FAM114A1: variants seen among roughly 807,000 people sequenced by gnomAD.
The protein encoded by FAM114A1 is family with sequence similarity 114 member A1.
Under a neutral mutation model 64.3 loss-of-function variants are expected in FAM114A1, and 62 were observed. The observed-to-expected ratio is 0.96, with a 90% CI of 0.79 to 1.19. FAM114A1 has a LOEUF of 1.19. FAM114A1 is among the 50% of genes most tolerant of loss of function. The pLI is 0.00. For missense variants in FAM114A1, 645 were observed against 676.3 expected (o/e 0.95, Z 0.51); for synonymous variants, 254 against 251.1 (o/e 1.01, Z -0.11).
In FAM114A1 at chr4:38,905,833, C is replaced by T; in HGVS notation, c.629C>T (p.Ser210Phe). 3 of 1,614,042 alleles carry T rather than the reference C, an allele frequency of 1.9e-6. No individual in the cohort carries two copies. ...TCATCAGCCTCTCGGGGTATGCTGTCTGCCATCACCAATGTGGTTCAAAAC... is the reference window on the plus strand; with the variant it reads ...TCATCAGCCTCTCGGGGTATGCTGTTTGCCATCACCAATGTGGTTCAAAAC... ...SPSSASRGML[S>F]AITNVVQNTG... The change falls in exon 6 of 15, where the codon TCT (serine) becomes TTT (phenylalanine). Residue 210 changes from serine to phenylalanine, a missense_variant. Physicochemically the swap from Ser to Phe is radical, Grantham distance 155 (BLOSUM62 -2). Transcript: ENST00000358869.
chr4:38,870,270 C>T (rs1158490017), intron 2 of FAM114A1, among the ~76,000 whole-genome samples: 1 of 152,216 alleles, frequency 6.6e-6, no homozygotes, highest in Non-Finnish European at 1.5e-5. Flanking sequence ...TGCACATGCT[C>T]TCATCCCACC....
intron 2 of FAM114A1, among the ~76,000 whole-genome samples, chr4:38,870,759 G>A (rs927322516): frequency 2.0e-5 from 3 of 152,126 alleles, no homozygotes; most frequent in Non-Finnish European, 4.4e-5. Flanking sequence ...GATGGAAACC[G>A]TCCCAGGAAA....
intron 7 of FAM114A1, among the ~76,000 whole-genome samples, chr4:38,909,662 AC>A (rs1276220052): frequency 1.3e-5 from 2 of 152,208 alleles, no homozygotes; most frequent in Non-Finnish European, 2.9e-5. Flanking sequence ...AGAGACTGAT[AC>A]ACCAGGTCTC....
At chr4:38,876,050 A>G (rs1388210581) in intron 2 of FAM114A1, among the ~76,000 whole-genome samples, 1 of 152,156 alleles carries the variant, frequency 6.6e-6, no homozygotes, top group Admixed American at 6.5e-5. Flanking sequence ...CCAACAAGGA[A>G]TACTGTGTGT....
chr4:38,926,809 C>CA (rs1720150778), intron 9 of FAM114A1, among the ~76,000 whole-genome samples: 1 of 152,194 alleles, frequency 6.6e-6, no homozygotes, highest in Non-Finnish European at 1.5e-5. Flanking sequence ...TCTAGCCCTC[C>CA]AGCTCTCCCT....
intron 6 of FAM114A1, among the ~76,000 whole-genome samples, chr4:38,906,658 C>G (rs2109680713): frequency 6.6e-6 from 1 of 152,278 alleles, no homozygotes; most frequent in South Asian, 2.1e-4. Flanking sequence ...CCTCAGCCTC[C>G]CAAGTAGCTG....
rs75825496 is a variant in FAM114A1 at position 38,942,729 on chromosome 4, A to G, written c.1591-727A>G. Among the ~76,000 whole-genome samples the G allele has an allele frequency of 6.6e-3, 1,007 of 152,292 alleles. 3 individuals are homozygous for G. The highest frequency in any genetic ancestry group is 0.02 in the African/African-American group (839 of 41,548). On this transcript the variant is annotated intron_variant, in intron 14 of 14. Transcript: ENST00000358869. ...CAAGTTTGCCATGAATAACTGCCCA[A>G]TAGTATCTCCAGTTAGCTTTATGTT...
At chr4:38,871,089 T>C (rs1289182311) in intron 2 of FAM114A1, among the ~76,000 whole-genome samples, 4 of 29,738 alleles carry the variant, frequency 1.3e-4, no homozygotes, top group African/African-American at 1.0e-3. Flanking sequence ...TTTCTTTCTT[T>C]TTTTTTTTTT....
chr4:38,943,357 G>T (rs77699077), intron 14 of FAM114A1, 99 bp from the exon 15 acceptor site: 5 of 812,426 alleles, frequency 6.2e-6, no homozygotes, highest in Non-Finnish European at 9.8e-6. Flanking sequence ...AATCCAATAT[G>T]GGGGGTGGGT....
Position 38,905,755 on chromosome 4 carries a change from T to C in FAM114A1, c.551T>C (p.Ile184Thr). The part of the protein sequence containing the change: ...QPNTENGVPE[I>T]TDAATDQGPA... ...TAAAGGATTTCTTTTTTCTCTTTAG[T>C]AACAGATGCAGCCACAGATCAGGGC... Residue 184 changes from isoleucine (I) to threonine (T), a missense_variant and splice_region_variant, in exon 6 of 15, where the codon ATA becomes ACA. Ile to Thr is a moderately conservative substitution (Grantham distance 89). Transcript: ENST00000358869. The C allele has an allele frequency of 1.9e-6, 3 of 1,612,036 alleles. No homozygotes were observed. Among genetic ancestry groups the C allele is most frequent in the Non-Finnish European group, 2.5e-6 (3 of 1,179,496 alleles).
intron 4 of FAM114A1, among the ~76,000 whole-genome samples, chr4:38,897,326 A>G (rs1344165824): frequency 6.6e-6 from 1 of 152,268 alleles, no homozygotes; most frequent in Admixed American, 6.5e-5. Context: ...GTCTATGCAT[A>G]GAAGGAGAAA....
chr4:38,878,226 G>A lies in FAM114A1; in HGVS notation c.148G>A (p.Gly50Arg). 3 of 1,614,238 alleles carry A rather than the reference G, an allele frequency of 1.9e-6. No individual in the cohort carries two copies. The highest frequency in any genetic ancestry group is 2.5e-6 in the Non-Finnish European group (3 of 1,180,052). ...SHEPTPADPRGEGHENAAVQG... is the reference protein window; with the variant it reads ...SHEPTPADPRREGHENAAVQG... ...TGAGCCAACACCAGCTGACCCCAGA[G>A]GGGAGGGGCATGAAAATGCAGCTGT... The change falls in exon 3 of 15, where the codon GGG becomes AGG. Residue 50 changes from glycine (G) to arginine (R), a missense_variant. By Grantham distance (125) the Gly-to-Arg change is moderately radical. Coordinates refer to ENST00000358869, the MANE Select transcript of FAM114A1 (RefSeq NM_138389.4).
intron 9 of FAM114A1, among the ~76,000 whole-genome samples, chr4:38,927,117 C>T (rs2109769803): frequency 6.6e-6 from 1 of 152,300 alleles, no homozygotes; most frequent in Non-Finnish European, 1.5e-5. Flanking sequence ...TGCTACACTG[C>T]AGCTGGAAGG....
intron 2 of FAM114A1, among the ~76,000 whole-genome samples, chr4:38,871,841 A>C (rs1200458188): frequency 3.9e-5 from 6 of 152,206 alleles, no homozygotes; most frequent in Non-Finnish European, 7.3e-5. Flanking sequence ...AAGCTCAAGG[A>C]AGTCCTAGCT....
At chr4:38,936,533 A>C (rs1387763459) in intron 13 of FAM114A1, among the ~76,000 whole-genome samples, 1 of 151,414 alleles carries the variant, frequency 6.6e-6, no homozygotes, top group Non-Finnish European at 1.5e-5. Flanking sequence ...TAAGCCATGC[A>C]AGATAAGAGT....
At chr4:38,929,394 G>A (rs1195117259) in intron 10 of FAM114A1, 61 bp downstream of exon 10, 2 of 1,284,324 alleles carry the variant, frequency 1.6e-6, no homozygotes, top group Non-Finnish European at 2.2e-6. Context: ...GAGAGTCTCT[G>A]TTGTAAAGTT....
At chr4:38,929,373 A>G (rs1720437481) in intron 10 of FAM114A1, 40 bp downstream of exon 10, 2 of 1,471,902 alleles carry the variant, frequency 1.4e-6, no homozygotes, top group Non-Finnish European at 1.9e-6. Flanking sequence ...TTAAAAAAAA[A>G]CAGTGCAGGG....
intron 12 of FAM114A1, among the ~76,000 whole-genome samples, chr4:38,933,704 A>G (rs2109793100): frequency 6.6e-6 from 1 of 152,316 alleles, no homozygotes; most frequent in African/African-American, 2.4e-5. Flanking sequence ...TATGCACATG[A>G]CTGTATACTG....
intron 9 of FAM114A1, among the ~76,000 whole-genome samples, chr4:38,928,940 CA>C (rs1332515354): frequency 6.6e-6 from 1 of 152,222 alleles, no homozygotes; most frequent in Non-Finnish European, 1.5e-5. Context: ...TGACCACCTA[CA>C]GCTGTGAACA....
Sources: allele counts gnomAD v4.1 joint callset (sites outside exome capture counted in the v4.1 genomes callset), GRCh38; gene constraint gnomAD v4.1.1; transcripts MANE v1.5; gene names NCBI Gene and HGNC (gene_info 2026-07-23, HGNC 2026-07-21).